Variants in PRPF18 observed in about 807,000 individuals in gnomAD.
PRPF18 encodes the protein pre-mRNA processing factor 18, also known as pre-mRNA-splicing factor 18.
In PRPF18, 38 loss-of-function variants were observed where a neutral mutation model predicts 46.5. The ratio of observed to expected loss-of-function variants is 0.82; its 90% CI spans 0.63 to 1.07. The LOEUF (loss-of-function observed/expected upper bound fraction) is 1.07, where lower values mean the gene tolerates loss of function less well. Ranked by LOEUF, PRPF18 falls within the 50% of genes least tolerant of loss-of-function variation. PRPF18 has a pLI of 0.00. For synonymous variants in PRPF18, 152 were observed against 146.7 expected (o/e 1.04, Z -0.26); for missense variants, 263 against 410.0 (o/e 0.64, Z 3.10).
the PRPF18 span, chr10:13,640,563 GCT>G: frequency 6.6e-6 from 1 of 151,598 alleles, no homozygotes; most frequent in Admixed American, 6.6e-5. Context: ...TGAAGACCTT[GCT>G]TTGCTCCCTC....
At chr10:13,622,825 G>T (rs2080438897) in intron 9 of PRPF18, among the ~76,000 whole-genome samples, 2 of 152,166 alleles carry the variant, frequency 1.3e-5, no homozygotes, top group Non-Finnish European at 2.9e-5. Context: ...ATCCCAACTG[G>T]CTGAACCCAG....
chr10:13,641,773 A>G, the PRPF18 span: 4 of 152,392 alleles, frequency 2.6e-5, no homozygotes, highest in African/African-American at 4.8e-5. Context: ...AGAATTAACC[A>G]TTGGATTTGG....
chr10:13,615,478 G>A (rs1188669999), intron 8 of PRPF18, among the ~76,000 whole-genome samples: 1 of 152,026 alleles, frequency 6.6e-6, no homozygotes, highest in Non-Finnish European at 1.5e-5. Context: ...TTATAAAACC[G>A]GTGAGCAGAG....
In PRPF18 at chr10:13,613,893, T is replaced by G. The variant is rs762670873; in HGVS notation, c.720+12T>G. On this transcript the variant is annotated intron_variant, in intron 7 of 9. Transcript: ENST00000378572. The stretch of plus-strand genomic sequence containing the variant: ...AGCTACGGAAAAGGGTGAGGTTTCT[T>G]GGAAAATACTTTTTTTAACTGACTT... 19 of 1,592,706 alleles carry G rather than the reference T, an allele frequency of 1.2e-5. No individual in the cohort carries two copies. The South Asian group carries it at 2.2e-4, about 18-fold the overall frequency.
intron 1 of PRPF18, chr10:13,591,926 G>GA: frequency 7.5e-7 from 1 of 1,340,926 alleles, no homozygotes; most frequent in Non-Finnish European, 1.0e-6. Context: ...TGTCAACTGA[G>GA]GGTTTTTTTT....
intron 1 of PRPF18, among the ~76,000 whole-genome samples, chr10:13,589,692 G>A (rs567288572): frequency 1.3e-5 from 2 of 152,300 alleles, no homozygotes; most frequent in African/African-American, 2.4e-5. Context: ...ATGGAAATCC[G>A]TGCATCACAG....
rs77258551 is a variant in PRPF18 at position 13,587,655 on chromosome 10, C to T, written c.66+503C>T. On this transcript the variant is annotated intron_variant, in intron 1 of 9. Transcript: ENST00000378572. Reference sequence around the variant, plus strand: ...TTCACCTCAGTCTTTAGCCACAGACCGAACCCTTCATCCAGATACGGGGTA... The same window carrying T: ...TTCACCTCAGTCTTTAGCCACAGACTGAACCCTTCATCCAGATACGGGGTA... Among the ~76,000 whole-genome samples the T allele has an allele frequency of 7.2e-5, 11 of 152,294 alleles. No individual in the cohort carries two copies. In the East Asian group the frequency reaches 1.6e-3, roughly 21 times the overall value.
intron 6 of PRPF18, among the ~76,000 whole-genome samples, chr10:13,613,357 C>T (rs555476439): frequency 3.9e-5 from 6 of 152,312 alleles, no homozygotes; most frequent in African/African-American, 1.4e-4. Context: ...TAATCATGGT[C>T]TCTACAGCAT....
chr10:13,618,346 G>C (rs1260466623), intron 9 of PRPF18, among the ~76,000 whole-genome samples: 1 of 152,086 alleles, frequency 6.6e-6, no homozygotes, highest in Admixed American at 6.5e-5. Flanking sequence ...AAGAATTAGA[G>C]GCTGAGCATG....
At chr10:13,652,083 G>A in the PRPF18 span, 1 of 743,324 alleles carries the variant, frequency 1.3e-6, no homozygotes, top group Non-Finnish European at 2.5e-6. Context: ...CGAAAGGCTT[G>A]CTGATTAGAC....
chr10:13,603,520 C>A (rs978437492), intron 3 of PRPF18, among the ~76,000 whole-genome samples: 1 of 152,068 alleles, frequency 6.6e-6, no homozygotes. Context: ...GTTATAGCAC[C>A]CAATCTTAAG....
chr10:13,627,902 G>A (rs1292079722), intron 9 of PRPF18, among the ~76,000 whole-genome samples: 1 of 152,200 alleles, frequency 6.6e-6, no homozygotes, highest in African/African-American at 2.4e-5. Flanking sequence ...CTGCTGCTGA[G>A]TGAAGCTATT....
chr10:13,629,021 A>G (rs575513430), intron 9 of PRPF18, among the ~76,000 whole-genome samples: 1 of 152,354 alleles, frequency 6.6e-6, no homozygotes, highest in South Asian at 2.1e-4. Context: ...CTAAATGTCG[A>G]CCAAGGATTC....
intron 1 of PRPF18, 142 bp downstream of exon 1, chr10:13,587,294 C>A: frequency 1.2e-6 from 1 of 833,950 alleles, no homozygotes; most frequent in South Asian, 1.5e-5. Flanking sequence ...CCTGGTAGGC[C>A]CCCTTAGATC....
At chr10:13,618,738 T>C (rs2080382667) in intron 9 of PRPF18, among the ~76,000 whole-genome samples, 1 of 152,106 alleles carries the variant, frequency 6.6e-6, no homozygotes, top group Admixed American at 6.5e-5. Flanking sequence ...AAGAACATAG[T>C]TCAGTATTGT....
chr10:13,608,464 A>T (rs1479056594), intron 4 of PRPF18, among the ~76,000 whole-genome samples: 2 of 152,224 alleles, frequency 1.3e-5, no homozygotes, highest in Admixed American at 1.3e-4. Flanking sequence ...CAGCATTGTC[A>T]TTCCAGCCCC....
chr10:13,627,229 C>A (rs983561081), intron 9 of PRPF18, among the ~76,000 whole-genome samples: 1 of 152,142 alleles, frequency 6.6e-6, no homozygotes, highest in Non-Finnish European at 1.5e-5. Context: ...CACTTAGCAT[C>A]GTTGAAAATT....
Position 13,605,633 on chromosome 10 carries a change from C to A in PRPF18, c.252C>A (p.Val84=). 3.2e-6 allele frequency: 5 copies of A among 1,577,450 alleles called. No homozygotes were observed. The highest frequency in any genetic ancestry group is 1.4e-5 in the African/African-American group (1 of 72,092). ...TGGGTATCTGTTTCACTTTGTAGGTCATCAGAAGATTGAGAGAAAGAGGAG... is the reference window on the plus strand; with the variant it reads ...TGGGTATCTGTTTCACTTTGTAGGTAATCAGAAGATTGAGAGAAAGAGGAG... ...KLPMTLSRQE[V]IRRLRERGEP... The change falls in exon 4 of 10, where the codon GTC becomes GTA. Residue 84 remains valine (V), a splice_region_variant and synonymous_variant. Coordinates refer to ENST00000378572, the MANE Select transcript of PRPF18 (RefSeq NM_003675.4).
intron 2 of PRPF18, among the ~76,000 whole-genome samples, chr10:13,599,667 C>A (rs575192544): frequency 4.5e-4 from 69 of 152,286 alleles, no homozygotes; most frequent in African/African-American, 1.4e-3. Flanking sequence ...TGTGTTTCTG[C>A]AAGGTTGGTA....
Sources: gnomAD v4.1 joint callset for allele counts (sites outside exome capture counted in the v4.1 genomes callset) on GRCh38, gnomAD v4.1.1 for gene constraint, MANE v1.5 for transcripts, NCBI Gene and HGNC (gene_info 2026-07-23, HGNC 2026-07-21) for gene names.